PCDHGA1: variants seen among roughly 807,000 people sequenced by gnomAD.
PCDHGA1 encodes protocadherin gamma-A1.
Under a neutral mutation model 58.0 loss-of-function variants are expected in PCDHGA1, and 32 were observed. That is an observed-to-expected ratio of 0.55 (90% CI 0.42 to 0.74). PCDHGA1 has a LOEUF of 0.74. Ranked by LOEUF, PCDHGA1 falls within the 30% of genes least tolerant of loss-of-function variation. The pLI is 0.00. For missense variants in PCDHGA1, 1,205 were observed against 1,182.3 expected (o/e 1.02, Z -0.28); for synonymous variants, 498 against 501.1 (o/e 0.99, Z 0.08).
In PCDHGA1 at chr5:141,477,590, C is replaced by T. The variant is rs1465863595; in HGVS notation, c.2422-17217C>T. On this transcript the variant is annotated intron_variant, in intron 1 of 3. Coordinates refer to ENST00000517417, the MANE Select transcript of PCDHGA1 (RefSeq NM_018912.3). This position sits in a 1 kb window ranked among gnomAD's most constrained non-coding sequence, Gnocchi z 4.9. ...CCCCGACGCCCCGCAGAATGCTCGG[C>T]TTTCTTTCTTTCTCTTGGAGCAAGG... The T allele has an allele frequency of 1.2e-6, 2 of 1,614,122 alleles. No individual in the cohort carries two copies. Among genetic ancestry groups the T allele is most frequent in the South Asian group, 2.2e-5 (2 of 91,080 alleles).
intron 1 of PCDHGA1, chr5:141,356,838 G>A (rs1401052082): frequency 6.2e-7 from 1 of 1,614,174 alleles, no homozygotes; most frequent in South Asian, 1.1e-5. Context: ...GCAGCAATGT[G>A]TCACTGAGCC....
chr5:141,382,890 C>A, intron 1 of PCDHGA1: 2 of 1,532,810 alleles, frequency 1.3e-6, no homozygotes, highest in Non-Finnish European at 1.8e-6. Flanking sequence ...GCAAGAGAAG[C>A]AGGACGACTA....
intron 1 of PCDHGA1, among the ~76,000 whole-genome samples, chr5:141,338,204 C>A (rs754701387): frequency 2.0e-5 from 3 of 152,210 alleles, no homozygotes; most frequent in South Asian, 4.1e-4. Context: ...CCTCCTCCAA[C>A]CTTCACGCTT....
chr5:141,409,474 C>T, intron 1 of PCDHGA1: 1 of 1,614,002 alleles, frequency 6.2e-7, no homozygotes, highest in Non-Finnish European at 8.5e-7. Flanking sequence ...CCATCGTAGC[C>T]ACTGACAGGG....
intron 1 of PCDHGA1, among the ~76,000 whole-genome samples, chr5:141,483,160 T>C (rs1199191595): frequency 6.6e-6 from 1 of 152,176 alleles, no homozygotes; most frequent in Non-Finnish European, 1.5e-5. Flanking sequence ...AGTTAGATCC[T>C]GAGTTACCTT....
intron 1 of PCDHGA1, chr5:141,355,489 G>A (rs1484818134): frequency 1.2e-6 from 2 of 1,614,062 alleles, no homozygotes; most frequent in Non-Finnish European, 1.7e-6. Context: ...GGAGCTCTGC[G>A]ACAGATCTCC....
intron 1 of PCDHGA1, among the ~76,000 whole-genome samples, chr5:141,449,042 A>G (rs1211970675): frequency 6.6e-6 from 1 of 152,186 alleles, no homozygotes; most frequent in Non-Finnish European, 1.5e-5. Context: ...ATTATTAACC[A>G]GTCTCATAAA....
At chr5:141,459,199 A>G (rs930769883) in intron 1 of PCDHGA1, among the ~76,000 whole-genome samples, 6 of 152,200 alleles carry the variant, frequency 3.9e-5, no homozygotes, top group African/African-American at 1.4e-4. Flanking sequence ...TTTGCAATCA[A>G]TTCACTACTT....
At chr5:141,384,582 G>A (rs542176226) in intron 1 of PCDHGA1, 5 of 1,614,230 alleles carry the variant, frequency 3.1e-6, no homozygotes, top group Non-Finnish European at 4.2e-6. Context: ...ACCCGCCCGA[G>A]ATCCTGTACC....
rs1018384314 is a variant in PCDHGA1 at position 141,490,427 on chromosome 5, A to G, written c.2422-4380A>G. On this transcript the variant is annotated intron_variant, in intron 1 of 3. Coordinates refer to ENST00000517417, the MANE Select transcript of PCDHGA1 (RefSeq NM_018912.3). This position sits in a 1 kb window ranked among gnomAD's most constrained non-coding sequence, Gnocchi z 5.4. ...GATATCTCTCCGGACCTGCCATTTCAGATTAAGCCTTCTGAGAACCACTAC... is the reference window on the plus strand; with the variant it reads ...GATATCTCTCCGGACCTGCCATTTCGGATTAAGCCTTCTGAGAACCACTAC... 6.2e-7 allele frequency: 1 copy of G among 1,614,092 alleles called. No individual in the cohort carries two copies.
chr5:141,383,077 G>A (rs1415482680), intron 1 of PCDHGA1: 2 of 1,613,774 alleles, frequency 1.2e-6, no homozygotes, highest in African/African-American at 2.7e-5. Flanking sequence ...CCGGGAGCTG[G>A]CGGAGCGCGG....
chr5:141,361,683 G>T lies in PCDHGA1; in HGVS notation c.2421+28578G>T, dbSNP rs1176018723. 5 of 1,613,592 alleles carry T rather than the reference G, an allele frequency of 3.1e-6. No individual in the cohort carries two copies. The South Asian group carries it at 5.5e-5, about 18-fold the overall frequency. ...GCGCGCAGAGCGGGGTGGTGTTCGC[G>T]CAGCGCGCCTTCGATCATGAGCAGC... is the stretch of plus-strand genomic sequence containing the variant. On this transcript the variant is annotated intron_variant, in intron 1 of 3. Transcript: ENST00000517417.
chr5:141,476,897 A>G lies in PCDHGA1; in HGVS notation c.2422-17910A>G. ...CGTCCTGGAGGATGCACCCTCCGGC[A>G]CGCGCGTGGTACAAGTCCTTGCAAC... On this transcript the variant is annotated intron_variant, in intron 1 of 3. Coordinates refer to ENST00000517417, the MANE Select transcript of PCDHGA1 (RefSeq NM_018912.3). The surrounding 1 kb of genome is among the most constrained non-coding windows in gnomAD (Gnocchi z 7.6). 1 of 1,613,938 alleles carries G rather than the reference A, an allele frequency of 6.2e-7. No individual in the cohort carries two copies. Among genetic ancestry groups the G allele is most frequent in the Non-Finnish European group, 8.5e-7 (1 of 1,180,012 alleles).
At chr5:141,349,080 A>G (rs1241384360) in intron 1 of PCDHGA1, among the ~76,000 whole-genome samples, 1 of 151,912 alleles carries the variant, frequency 6.6e-6, no homozygotes, top group South Asian at 2.1e-4. Context: ...CATTATAGAG[A>G]ATGTTTTTGA....
rs992592523 is a variant in PCDHGA1 at position 141,432,710 on chromosome 5, C to T, written c.2422-62097C>T. ...CGTAGTGGCCGTCCAGGACCACGGC[C>T]AGCCCCCTCTCTCCGCCACTGTCAC... On this transcript the variant is annotated intron_variant, in intron 1 of 3. Coordinates refer to ENST00000517417, the MANE Select transcript of PCDHGA1 (RefSeq NM_018912.3). This position sits in a 1 kb window ranked among gnomAD's most constrained non-coding sequence, Gnocchi z 6.0. The T allele has an allele frequency of 6.2e-7, 1 of 1,613,884 alleles. No homozygotes were observed.
rs1308866536 is a variant in PCDHGA1 at position 141,464,896 on chromosome 5, GT to G, written c.2422-29910del. On this transcript the variant is annotated intron_variant, in intron 1 of 3. Coordinates refer to ENST00000517417, the MANE Select transcript of PCDHGA1 (RefSeq NM_018912.3). ...TAGGACTACAGATGGATGCCACCAT[GT>G]CCAGCTAATTTTTTTATTTTTTTGT... 2.0e-5 allele frequency among the ~76,000 whole-genome samples: 3 copies of G among 151,672 alleles called. No homozygotes were observed. The East Asian group carries it at 5.8e-4, about 30-fold the overall frequency.
intron 1 of PCDHGA1, chr5:141,422,645 T>C: frequency 6.2e-7 from 1 of 1,612,232 alleles, no homozygotes; most frequent in Non-Finnish European, 8.5e-7. Flanking sequence ...GCCTCCATCT[T>C]CTCAGTGACC....
chr5:141,424,005 C>A, intron 1 of PCDHGA1: 1 of 1,070,322 alleles, frequency 9.3e-7, no homozygotes. Context: ...TATATAGATA[C>A]AAATTAATGA....
At chr5:141,452,161 A>G (rs559274240) in intron 1 of PCDHGA1, among the ~76,000 whole-genome samples, 1 of 152,204 alleles carries the variant, frequency 6.6e-6, no homozygotes, top group South Asian at 2.1e-4. Context: ...GTTATATTCT[A>G]TTACTAACAT....
Sources: allele counts gnomAD v4.1 joint callset (sites outside exome capture counted in the v4.1 genomes callset), GRCh38; gene constraint gnomAD v4.1.1; non-coding constraint Gnocchi (gnomAD v3.1); transcripts MANE v1.5; gene names NCBI Gene and HGNC (gene_info 2026-07-23, HGNC 2026-07-21).